The following MEPE variants were observed in gnomAD, a reference collection of about 807,000 sequenced individuals.
MEPE encodes the protein matrix extracellular phosphoglycoprotein, also known as matrix, extracellular phosphoglycoprotein with ASARM motif (bone).
MEPE carries 7 observed loss-of-function variants against 7.3 expected under a neutral mutation model. The observed-to-expected ratio is 0.95, with a 90% CI of 0.54 to 1.79. The LOEUF is 1.79. MEPE is among the 40% of genes most tolerant of loss of function. MEPE has a pLI of 0.00. For synonymous variants in MEPE, 214 were observed against 213.1 expected (o/e 1.00, Z -0.04); for missense variants, 623 against 628.2 (o/e 0.99, Z 0.09).
In MEPE at chr4:87,825,558, G is replaced by T. The variant is rs77075981; in HGVS notation, c.-13+4087G>T. Among the ~76,000 whole-genome samples the T allele has an allele frequency of 4.9e-4, 74 of 152,280 alleles. No homozygotes were observed. In the South Asian group the frequency reaches 0.015, roughly 31 times the overall value. Reference sequence around the variant, plus strand: ...CCCGCTTCAATCTGACAGTTTTGACGAACAAGTGGAGAGTAACTGTGCAAC... The same window carrying T: ...CCCGCTTCAATCTGACAGTTTTGACTAACAAGTGGAGAGTAACTGTGCAAC... On this transcript the variant is annotated intron_variant, in intron 1 of 3. Transcript: ENST00000424957.
intron 2 of MEPE, among the ~76,000 whole-genome samples, chr4:87,838,329 G>C (rs1225326143): frequency 6.6e-6 from 1 of 152,106 alleles, no homozygotes; most frequent in Non-Finnish European, 1.5e-5. Context: ...TCCTTCGTCT[G>C]GGGTGCCATC....
At chr4:87,826,399 T>G (rs796811907) in intron 1 of MEPE, among the ~76,000 whole-genome samples, 2 of 151,232 alleles carry the variant, frequency 1.3e-5, no homozygotes, top group South Asian at 4.3e-4. Flanking sequence ...TTTGTTTTTG[T>G]TTTTTGTTTT....
intron 3 of MEPE, among the ~76,000 whole-genome samples, chr4:87,841,648 A>G (rs181458101): frequency 1.9e-4 from 29 of 152,334 alleles, no homozygotes; most frequent in Admixed American, 4.6e-4. Context: ...AATAAGATAC[A>G]TATATAAAAG....
At chr4:87,836,606 A>G (rs142803582) in intron 2 of MEPE, among the ~76,000 whole-genome samples, 2 of 152,352 alleles carry the variant, frequency 1.3e-5, no homozygotes, top group East Asian at 3.9e-4. Context: ...ACATGATCAT[A>G]TAAGAATCAA....
upstream of MEPE, among the ~76,000 whole-genome samples, chr4:87,830,471 C>T (rs531097429): frequency 3.3e-5 from 5 of 152,140 alleles, no homozygotes; most frequent in Non-Finnish European, 5.9e-5. Flanking sequence ...AGCAAACTAA[C>T]GCAGGAACAG....
chr4:87,845,172 A>G lies in MEPE; in HGVS notation c.304A>G (p.Ile102Val), dbSNP rs1723167652. 3.7e-6 allele frequency: 6 copies of G among 1,613,668 alleles called. No individual in the cohort carries two copies. The highest frequency in any genetic ancestry group is 5.1e-6 in the Non-Finnish European group (6 of 1,179,726). ...NRQRLNKEYS[I>V]SNKENTHNGL... ...ACAGAGACTGAATAAAGAATATAGT[A>G]TCAGTAACAAAGAGAATACTCACAA... The change falls in exon 4 of 4, where the codon ATC becomes GTC. Residue 102 changes from isoleucine (I) to valine (V), a missense_variant. Ile to Val is a conservative substitution (Grantham distance 29, BLOSUM62 3). Coordinates refer to ENST00000361056, the MANE Select transcript of MEPE (RefSeq NM_020203.6).
chr4:87,837,219 GA>G (rs1311784570), intron 2 of MEPE, among the ~76,000 whole-genome samples: 4 of 150,774 alleles, frequency 2.7e-5, no homozygotes, highest in Non-Finnish European at 5.9e-5. Context: ...GGGCTGGAAG[GA>G]AAAAAAAAGG....
chr4:87,839,876 T>C (rs1461522065), intron 3 of MEPE: 2 of 1,543,082 alleles, frequency 1.3e-6, no homozygotes, highest in Non-Finnish European at 1.7e-6. Context: ...TTGCTTGCTC[T>C]GGGGTTTCTG....
At chr4:87,824,967 C>A (rs368029865) in intron 1 of MEPE, among the ~76,000 whole-genome samples, 1 of 152,132 alleles carries the variant, frequency 6.6e-6, no homozygotes, top group Non-Finnish European at 1.5e-5. Context: ...CCTGCCTCAG[C>A]GGCCCCAAGA....
In MEPE at chr4:87,846,098, T is replaced by C; in HGVS notation, c.1230T>C (p.Gly410=). 1 of 1,613,838 alleles carries C rather than the reference T, an allele frequency of 6.2e-7. No homozygotes were observed. Among genetic ancestry groups the C allele is most frequent in the Non-Finnish European group, 8.5e-7 (1 of 1,179,922 alleles). ...ATGGCAAAGGCAGTACCAGAAAGGG[T>C]GTAGATCATTCTAATAGGAACCAAG... ...PKNGKGSTRK[G]VDHSNRNQAT... Residue 410 remains glycine (G), a synonymous_variant, in exon 4 of 4, where the codon GGT becomes GGC. Transcript: ENST00000361056.
rs1722715522 is a variant in MEPE at position 87,834,687 on chromosome 4, T to C, written c.-12-16T>C. The C allele has an allele frequency of 6.2e-7, 1 of 1,607,118 alleles. No homozygotes were observed. The highest frequency in any genetic ancestry group is 1.7e-5 in the Admixed American group (1 of 59,410). On this transcript the variant is annotated splice_polypyrimidine_tract_variant and intron_variant, in intron 1 of 3. Coordinates refer to ENST00000361056, the MANE Select transcript of MEPE (RefSeq NM_020203.6). ...CTGGCAATGCTTTGTGGTAAGATAT[T>C]GTTGTCTTTTTACAGAGATTCTCAA...
rs1404171157 is a variant in MEPE, at chr4:87,845,354, A to G, written c.486A>G (p.Lys162=). ...TAATGGGGCCAGTGACTGCGATTAA[A>G]CTCCTGGGGGAAGAAAACAAAGAGA... The part of the protein sequence containing the change: ...QHIMGPVTAI[K]LLGEENKENT... Residue 162 remains lysine (K), a synonymous_variant, in exon 4 of 4, where the codon AAA becomes AAG. Transcript: ENST00000361056. 4 of 1,613,812 alleles carry G rather than the reference A, an allele frequency of 2.5e-6. No individual in the cohort carries two copies. In the South Asian group the frequency reaches 4.4e-5, roughly 18 times the overall value.
chr4:87,831,096 T>C (rs546372299), upstream of MEPE, among the ~76,000 whole-genome samples: 10 of 152,270 alleles, frequency 6.6e-5, no homozygotes, highest in South Asian at 1.4e-3. Flanking sequence ...CTTTAATATA[T>C]AGTCATAATG....
chr4:87,839,280 C>G (rs939036082), intron 3 of MEPE, among the ~76,000 whole-genome samples: 2 of 152,172 alleles, frequency 1.3e-5, no homozygotes, highest in African/African-American at 2.4e-5. Context: ...AGCTTAAGAG[C>G]CTGAATGTTC....
chr4:87,834,741 C>T lies in MEPE; in HGVS notation c.27C>T (p.Leu9=). The change falls in exon 2 of 4, where the codon CTC becomes CTT. Residue 9 remains leucine (L), a synonymous_variant. Coordinates refer to ENST00000361056, the MANE Select transcript of MEPE (RefSeq NM_020203.6). The stretch of plus-strand genomic sequence containing the variant: ...TGCGAGTTTTCTGTGTGGGACTACT[C>T]CTTTTCAGTGTGACCTGGGCAGCAC... MRVFCVGL[L]LFSVTWAAPT... 1.9e-6 allele frequency: 3 copies of T among 1,613,372 alleles called. No individual in the cohort carries two copies. Among genetic ancestry groups the T allele is most frequent in the Non-Finnish European group, 2.5e-6 (3 of 1,179,678 alleles).
Position 87,845,848 on chromosome 4 carries a change from C to A in MEPE, c.980C>A (p.Ala327Glu), listed in dbSNP as rs112583476. ...ACTAGGGATGAAACTGCGAAAGAGGCAGATGCTGTTGATGTCAGCCTTGTA... is the reference window on the plus strand; with the variant it reads ...ACTAGGGATGAAACTGCGAAAGAGGAAGATGCTGTTGATGTCAGCCTTGTA... ...IGTRDETAKE[A>E]DAVDVSLVEG... Residue 327 changes from alanine (A) to glutamate (E), a missense_variant, in exon 4 of 4, where the codon GCA becomes GAA. Transcript: ENST00000361056. The A allele has an allele frequency of 1.4e-5, 23 of 1,613,850 alleles. No homozygotes were observed. The East Asian group carries it at 2.7e-4, about 19-fold the overall frequency.
chr4:87,824,251 A>G (rs568052198), intron 1 of MEPE, among the ~76,000 whole-genome samples: 89 of 152,366 alleles, frequency 5.8e-4, no homozygotes, highest in Middle Eastern at 6.8e-3. Context: ...TTACAGAACT[A>G]ACCTACAGCT....
intron 2 of MEPE, among the ~76,000 whole-genome samples, chr4:87,836,229 G>A (rs1052137770): frequency 3.2e-4 from 48 of 152,022 alleles, no homozygotes; most frequent in African/African-American, 8.5e-4. Context: ...ACTTGCATAC[G>A]TCTTAGAATT....
chr4:87,839,811 T>A, intron 3 of MEPE: 1 of 1,545,304 alleles, frequency 6.5e-7, no homozygotes, highest in Non-Finnish European at 8.8e-7. Context: ...ATTCTCAGCA[T>A]GACTAAACTC....
Sources: allele counts gnomAD v4.1 joint callset (sites outside exome capture counted in the v4.1 genomes callset), GRCh38; gene constraint gnomAD v4.1.1; transcripts MANE v1.5; gene names NCBI Gene and HGNC (gene_info 2026-07-23, HGNC 2026-07-21).